Variants in FBXL13 observed in about 807,000 individuals in gnomAD.
The protein encoded by FBXL13 is F-box and leucine-rich repeat protein 13.
FBXL13 carries 67 observed loss-of-function variants against 83.6 expected under a neutral mutation model. That is an observed-to-expected ratio of 0.80 (90% CI 0.66 to 0.98). The LOEUF is 0.98. Ranked by LOEUF, FBXL13 falls within the 50% of genes least tolerant of loss-of-function variation. The pLI is 0.00. For missense variants in FBXL13, 822 were observed against 866.5 expected (o/e 0.95, Z 0.64); for synonymous variants, 272 against 299.5 (o/e 0.91, Z 0.95).
chr7:103,065,227 T>C (rs1193798538), intron 1 of FBXL13, among the ~76,000 whole-genome samples: 1 of 152,200 alleles, frequency 6.6e-6, no homozygotes, highest in Non-Finnish European at 1.5e-5. Context: ...ATTTCAAACA[T>C]TTAGAAACAG....
At chr7:102,933,291 G>T (rs2056584) in intron 8 of FBXL13, 1 of 150,076 alleles carries the variant, frequency 6.7e-6, no homozygotes, top group East Asian at 1.9e-4. Flanking sequence ...AAAAAAAAAA[G>T]GCTCAGGAAG....
chr7:102,853,550 C>T (rs1805582171), intron 17 of FBXL13, among the ~76,000 whole-genome samples: 1 of 152,134 alleles, frequency 6.6e-6, no homozygotes, highest in Non-Finnish European at 1.5e-5. Flanking sequence ...AGCTTCTGCA[C>T]AGCAAAAGAA....
intron 16 of FBXL13, among the ~76,000 whole-genome samples, chr7:102,870,907 C>A (rs1184110432): frequency 6.6e-6 from 1 of 151,978 alleles, no homozygotes; most frequent in Non-Finnish European, 1.5e-5. Flanking sequence ...CAGAGTGAGA[C>A]CCTTTCTCTA....
At chr7:102,912,681 C>T (rs1470924405) in intron 11 of FBXL13, among the ~76,000 whole-genome samples, 1 of 140,852 alleles carries the variant, frequency 7.1e-6, no homozygotes, top group South Asian at 2.5e-4. Flanking sequence ...ACCCCCCCCC[C>T]CCCAAAAAAA....
At chr7:102,851,437 T>TTCCCTCTTTCCCTCCCTCTCCC (rs1554416321) in intron 17 of FBXL13, among the ~76,000 whole-genome samples, 29 of 143,984 alleles carry the variant, frequency 2.0e-4, no homozygotes, top group Non-Finnish European at 3.3e-4. Flanking sequence ...TCTCTCTTTC[T>TTCCCTCTTTCCCTCCCTCTCCC]TCCCTCCTTC....
At chr7:102,877,940 G>C (rs1275528539) in intron 15 of FBXL13, among the ~76,000 whole-genome samples, 1 of 152,010 alleles carries the variant, frequency 6.6e-6, no homozygotes, top group Non-Finnish European at 1.5e-5. Flanking sequence ...TTTGCTACAG[G>C]AATTGTACAA....
intron 6 of FBXL13, among the ~76,000 whole-genome samples, chr7:102,974,384 C>T (rs996124315): frequency 3.9e-5 from 6 of 151,962 alleles, no homozygotes; most frequent in East Asian, 3.9e-4. Flanking sequence ...AGTGAGAGTC[C>T]GTAAAACAAA....
At chr7:103,056,815 A>G (rs865892035) in intron 1 of FBXL13, among the ~76,000 whole-genome samples, 1 of 150,512 alleles carries the variant, frequency 6.6e-6, no homozygotes, top group African/African-American at 2.4e-5. Flanking sequence ...ATCCACGCCA[A>G]CATCTATTTT....
chr7:102,951,042 T>C (rs73192025), intron 8 of FBXL13, among the ~76,000 whole-genome samples: 24,196 of 152,126 alleles, frequency 0.16, 1,966 homozygotes, highest in Middle Eastern at 0.21. Flanking sequence ...GCTTCACCAA[T>C]TGTAACAAGT....
At chr7:102,843,785 A>T (rs892329867) in intron 17 of FBXL13, among the ~76,000 whole-genome samples, 1 of 152,216 alleles carries the variant, frequency 6.6e-6, no homozygotes, top group African/African-American at 2.4e-5. Context: ...TAATAAAAAA[A>T]ATAAAATAAT....
chr7:102,913,111 T>C, exon 11 of FBXL13: 1 of 1,614,148 alleles, frequency 6.2e-7, no homozygotes, highest in Non-Finnish European at 8.5e-7. Context: ...GAGGTCCAGA[T>C]AGATGAGCTT....
In FBXL13 at chr7:102,958,127, G is replaced by A. The variant is rs888022093; in HGVS notation, c.724+5406C>T. Among the ~76,000 whole-genome samples, 3 of 152,156 alleles carry A rather than the reference G, an allele frequency of 2.0e-5. No individual in the cohort carries two copies. The Middle Eastern group carries it at 0.01, about 518-fold the overall frequency. ...CACTATTCACAATACCAAAGACTTG[G>A]AACCAACCCAAATGCCCATCAATGA... On this transcript the variant is annotated intron_variant, in intron 8 of 19. Coordinates refer to ENST00000313221, the Ensembl canonical transcript of FBXL13.
At chr7:102,930,786 T>A (rs1001618055) in intron 9 of FBXL13, among the ~76,000 whole-genome samples, 1 of 152,182 alleles carries the variant, frequency 6.6e-6, no homozygotes, top group Non-Finnish European at 1.5e-5. Context: ...TTCACGCTTA[T>A]GATGTTAATT....
intron 11 of FBXL13, among the ~76,000 whole-genome samples, chr7:102,905,423 T>C (rs1344294473): frequency 6.6e-6 from 1 of 152,244 alleles, no homozygotes; most frequent in Non-Finnish European, 1.5e-5. Flanking sequence ...GATATAAGTA[T>C]AGTGACTCCC....
chr7:102,868,631 A>G (rs1356731244), intron 16 of FBXL13, among the ~76,000 whole-genome samples: 1 of 152,090 alleles, frequency 6.6e-6, no homozygotes, highest in African/African-American at 2.4e-5. Context: ...TCTCTTTGAC[A>G]TACTGATTTC....
At chr7:102,856,259 G>C (rs1035332708) in intron 16 of FBXL13, among the ~76,000 whole-genome samples, 3 of 152,186 alleles carry the variant, frequency 2.0e-5, no homozygotes. Flanking sequence ...CTGGGTTCCA[G>C]ATGTGGATGC....
chr7:102,818,796 A>G (rs1411824463), intron 19 of FBXL13, among the ~76,000 whole-genome samples: 2 of 152,204 alleles, frequency 1.3e-5, no homozygotes, highest in African/African-American at 2.4e-5. Context: ...ATTTATTTCC[A>G]ACTTTTATTT....
At chr7:102,943,714 A>T (rs1821915803) in intron 8 of FBXL13, among the ~76,000 whole-genome samples, 1 of 152,210 alleles carries the variant, frequency 6.6e-6, no homozygotes, top group African/African-American at 2.4e-5. Flanking sequence ...ATACGTTTTC[A>T]GGACAAGCAA....
At chr7:103,019,293 A>G (rs570599854) in intron 6 of FBXL13, among the ~76,000 whole-genome samples, 1 of 152,242 alleles carries the variant, frequency 6.6e-6, no homozygotes, top group Non-Finnish European at 1.5e-5. Context: ...AAGAGACAAC[A>G]TACCGGAATG....
Sources: allele counts gnomAD v4.1 joint callset (sites outside exome capture counted in the v4.1 genomes callset), GRCh38; gene constraint gnomAD v4.1.1; transcripts MANE v1.5; gene names NCBI Gene and HGNC (gene_info 2026-07-23, HGNC 2026-07-21).